Variants in ATP10B observed in about 807,000 individuals in gnomAD.
ATP10B encodes phospholipid-transporting ATPase VB.
Under a neutral mutation model 141.2 loss-of-function variants are expected in ATP10B, and 122 were observed. The ratio of observed to expected loss-of-function variants is 0.86; its 90% CI spans 0.75 to 1.00. ATP10B has a LOEUF of 1.00. Ranked by LOEUF, ATP10B falls within the 50% of genes least tolerant of loss-of-function variation. ATP10B has a pLI of 0.00. For missense variants in ATP10B, 1,876 were observed against 1,825.3 expected (o/e 1.03, Z -0.51); for synonymous variants, 685 against 692.0 (o/e 0.99, Z 0.16).
intron 2 of ATP10B, among the ~76,000 whole-genome samples, chr5:160,769,782 G>A (rs1441957787): frequency 6.6e-6 from 1 of 152,190 alleles, no homozygotes; most frequent in African/African-American, 2.4e-5. Flanking sequence ...TAGTAGCATT[G>A]CCATAGCACA....
At chr5:160,917,608 C>T in the ATP10B span, among the ~76,000 whole-genome samples, 4 of 152,146 alleles carry the variant, frequency 2.6e-5, no homozygotes, top group Non-Finnish European at 5.9e-5. Flanking sequence ...CTTTACAATC[C>T]TCAAGTCAAA....
intron 9 of ATP10B, 132 bp downstream of exon 9, chr5:160,644,006 T>C: frequency 1.4e-6 from 1 of 712,522 alleles, no homozygotes. Context: ...TTTGCTTAGT[T>C]GAGAAATGGG....
chr5:160,708,646 G>A (rs1484298257), intron 3 of ATP10B, among the ~76,000 whole-genome samples: 2 of 152,164 alleles, frequency 1.3e-5, no homozygotes, highest in South Asian at 2.1e-4. Context: ...GGTGGTAGAA[G>A]GCATGTACAG....
chr5:160,704,912 A>ACCTTTTT (rs1581387241), intron 3 of ATP10B, among the ~76,000 whole-genome samples: 2 of 43,694 alleles, frequency 4.6e-5, no homozygotes, highest in Non-Finnish European at 7.3e-5. Flanking sequence ...CATTTCTTTC[A>ACCTTTTT]TCTTTTTTTT....
At chr5:160,854,316 T>TC (rs1753944670), upstream of ATP10B, among the ~76,000 whole-genome samples, 1 of 152,122 alleles carries the variant, frequency 6.6e-6, no homozygotes, top group Admixed American at 6.6e-5. Context: ...CCTAATGCTA[T>TC]CCCTTCCCCT....
the ATP10B span, among the ~76,000 whole-genome samples, chr5:160,880,445 A>T: frequency 6.6e-6 from 1 of 152,094 alleles, no homozygotes; most frequent in Non-Finnish European, 1.5e-5. Flanking sequence ...CAACAAACTA[A>T]GTTTACGTGG....
At chr5:160,853,462 G>A (rs1379036865), upstream of ATP10B, among the ~76,000 whole-genome samples, 1 of 152,162 alleles carries the variant, frequency 6.6e-6, no homozygotes, top group African/African-American at 2.4e-5. Context: ...CAGGAATTTG[G>A]TGGTGAACAT....
chr5:160,860,620 A>T, the ATP10B span, among the ~76,000 whole-genome samples: 1 of 152,024 alleles, frequency 6.6e-6, no homozygotes, highest in Non-Finnish European at 1.5e-5. Flanking sequence ...ACTCAGCTAA[A>T]AAACATCAGC....
chr5:160,848,092 T>C (rs894016319), intron 1 of ATP10B, among the ~76,000 whole-genome samples: 1 of 152,204 alleles, frequency 6.6e-6, no homozygotes. Flanking sequence ...TATGTAAACA[T>C]ACACACATAC....
the ATP10B span, among the ~76,000 whole-genome samples, chr5:160,866,290 TAAGTG>T: frequency 1.3e-5 from 2 of 152,174 alleles, no homozygotes; most frequent in African/African-American, 2.4e-5. Flanking sequence ...GCCATTATCC[TAAGTG>T]AAGTAACTCA....
intron 7 of ATP10B, among the ~76,000 whole-genome samples, chr5:160,652,927 TTATATATACATG>T (rs1339503914): frequency 2.4e-5 from 2 of 82,034 alleles, no homozygotes; most frequent in East Asian, 3.1e-4. Context: ...ATATAATATA[TTATATATACATG>T]TATATATAAT....
At chr5:160,641,117 C>T (rs959067145) in intron 9 of ATP10B, among the ~76,000 whole-genome samples, 1 of 152,092 alleles carries the variant, frequency 6.6e-6, no homozygotes, top group African/African-American at 2.4e-5. Context: ...AAATAATATA[C>T]AGTAAACAAA....
At position 160,785,315 on chromosome 5, in the gene ATP10B, G is replaced by A. The variant is rs147830085; in HGVS notation, c.-331+244C>T. Among the ~76,000 whole-genome samples the A allele has an allele frequency of 4.2e-3, 639 of 152,208 alleles. 4 individuals carry two copies. Among genetic ancestry groups the A allele is most frequent in the African/African-American group, 0.015 (607 of 41,538 alleles). On this transcript the variant is annotated intron_variant, in intron 2 of 25. Transcript: ENST00000327245. Reference sequence around the variant, plus strand: ...TAATTTGACAGGTCCTATGTTGTCTGGGGAATATATACAATGGAGAAAGTT... The same window carrying A: ...TAATTTGACAGGTCCTATGTTGTCTAGGGAATATATACAATGGAGAAAGTT...
At chr5:160,625,414 ATTTC>A (rs1396565576) in intron 13 of ATP10B, among the ~76,000 whole-genome samples, 2 of 152,134 alleles carry the variant, frequency 1.3e-5, no homozygotes, top group Non-Finnish European at 2.9e-5. Flanking sequence ...CAGAAAATAG[ATTTC>A]TTTTTTAGGG....
chr5:160,695,337 TTTTA>T (rs1764295792), intron 3 of ATP10B, among the ~76,000 whole-genome samples: 2 of 147,094 alleles, frequency 1.4e-5, no homozygotes, highest in African/African-American at 5.1e-5. Context: ...CTCCTGTAAT[TTTTA>T]TTTAATACCA....
the ATP10B span, among the ~76,000 whole-genome samples, chr5:160,872,930 G>C: frequency 3.3e-5 from 5 of 151,800 alleles, no homozygotes; most frequent in Non-Finnish European, 5.9e-5. Flanking sequence ...GTATTTTGAT[G>C]GGGATTGCAT....
chr5:160,923,461 A>G, the ATP10B span, among the ~76,000 whole-genome samples: 3 of 152,224 alleles, frequency 2.0e-5, no homozygotes, highest in Admixed American at 1.3e-4. Context: ...GTGAAAAGGT[A>G]TACATATAGG....
chr5:160,722,789 C>T (rs1172800301), intron 2 of ATP10B, among the ~76,000 whole-genome samples: 1 of 152,164 alleles, frequency 6.6e-6, no homozygotes, highest in South Asian at 2.1e-4. Flanking sequence ...TTCCCTCCAG[C>T]CATGCACAGC....
chr5:160,914,393 T>C, the ATP10B span, among the ~76,000 whole-genome samples: 1 of 152,188 alleles, frequency 6.6e-6, no homozygotes, highest in Non-Finnish European at 1.5e-5. Flanking sequence ...CGATTCCCTG[T>C]AGATACTAAA....
Sources: gnomAD v4.1 joint callset for allele counts (sites outside exome capture counted in the v4.1 genomes callset) on GRCh38, gnomAD v4.1.1 for gene constraint, MANE v1.5 for transcripts, NCBI Gene and HGNC (gene_info 2026-07-23, HGNC 2026-07-21) for gene names.